MMP16: variants seen among roughly 807,000 people sequenced by gnomAD.
MMP16 encodes matrix metalloproteinase-16.
In MMP16, 12 loss-of-function variants were observed where a neutral mutation model predicts 67.8. That is an observed-to-expected ratio of 0.18 (90% CI 0.11 to 0.29). MMP16 has a LOEUF of 0.29. MMP16 is among the 10% of genes least tolerant of loss of function. The pLI, the probability that MMP16 is intolerant of heterozygous loss-of-function variation, is 1.00. For missense variants in MMP16, 475 were observed against 765.7 expected (o/e 0.62, Z 4.48); for synonymous variants, 249 against 255.9 (o/e 0.97, Z 0.26).
At chr8:88,112,310 A>G (rs1369199903) in intron 6 of MMP16, among the ~76,000 whole-genome samples, 2 of 151,616 alleles carry the variant, frequency 1.3e-5, no homozygotes, top group African/African-American at 4.8e-5. Context: ...AATACTGTGT[A>G]CTGAAATATG....
chr8:88,146,488 T>C (rs1267441425), intron 4 of MMP16, among the ~76,000 whole-genome samples: 1 of 151,994 alleles, frequency 6.6e-6, no homozygotes, highest in Non-Finnish European at 1.5e-5. Context: ...ATGGAACATA[T>C]ATTTTGTTTT....
intron 4 of MMP16, among the ~76,000 whole-genome samples, chr8:88,154,624 A>T (rs1372449527): frequency 9.3e-5 from 14 of 150,942 alleles, no homozygotes; most frequent in African/African-American, 3.4e-4. Flanking sequence ...AGAACAAAAA[A>T]CCAAACACCG....
chr8:88,070,252 T>C (rs538109279), intron 7 of MMP16, among the ~76,000 whole-genome samples: 2 of 152,290 alleles, frequency 1.3e-5, no homozygotes, highest in African/African-American at 4.8e-5. Flanking sequence ...TCTTGAGCTT[T>C]GTTCTAGGAC....
chr8:88,281,960 T>C (rs552614037), intron 1 of MMP16, among the ~76,000 whole-genome samples: 1 of 152,234 alleles, frequency 6.6e-6, no homozygotes, highest in South Asian at 2.1e-4. Context: ...TAAATTTTTG[T>C]TCAAATACTT....
At chr8:88,046,049 T>G (rs561412630) in intron 9 of MMP16, among the ~76,000 whole-genome samples, 1 of 152,330 alleles carries the variant, frequency 6.6e-6, no homozygotes, top group East Asian at 1.9e-4. Context: ...ATTTCATATA[T>G]GCCAACAGAT....
intron 1 of MMP16, among the ~76,000 whole-genome samples, chr8:88,221,225 T>G (rs1410236716): frequency 1.3e-5 from 2 of 152,116 alleles, no homozygotes; most frequent in African/African-American, 2.4e-5. Flanking sequence ...CCAGGCAGGT[T>G]TGTTTTCTTC....
intron 1 of MMP16, among the ~76,000 whole-genome samples, chr8:88,277,536 G>A (rs1489188879): frequency 6.6e-6 from 1 of 151,736 alleles, no homozygotes; most frequent in Admixed American, 6.6e-5. Flanking sequence ...GACTATAGCT[G>A]AAACTGTGCT....
Position 88,068,628 on chromosome 8 carries a change from T to C in MMP16, c.1222+5977A>G, listed in dbSNP as rs557459017. On this transcript the variant is annotated intron_variant, in intron 7 of 9. Transcript: ENST00000286614. The stretch of plus-strand genomic sequence containing the variant: ...TACATGTATCTTTGTCAAAAATTAC[T>C]TGTCCATATATGTTTTGAGTCTTGA... Among the ~76,000 whole-genome samples the C allele has an allele frequency of 2.6e-5, 4 of 152,292 alleles. No homozygotes were observed. In the East Asian group the frequency reaches 7.7e-4, roughly 29 times the overall value.
intron 1 of MMP16, among the ~76,000 whole-genome samples, chr8:88,213,342 A>G (rs1563563958): frequency 6.6e-6 from 1 of 152,148 alleles, no homozygotes; most frequent in African/African-American, 2.4e-5. Flanking sequence ...TGAGAATGAG[A>G]AAAAATGCTT....
chr8:88,265,389 A>C (rs1199570109), intron 1 of MMP16, among the ~76,000 whole-genome samples: 8 of 152,054 alleles, frequency 5.3e-5, no homozygotes, highest in Non-Finnish European at 1.2e-4. Context: ...GAAAGCTAAA[A>C]GCTGCATGAA....
At chr8:88,045,429 G>T (rs1191950002) in intron 9 of MMP16, among the ~76,000 whole-genome samples, 1 of 151,926 alleles carries the variant, frequency 6.6e-6, no homozygotes, top group African/African-American at 2.4e-5. Flanking sequence ...GGAGTGCAGG[G>T]GCATGATCTC....
intron 4 of MMP16, among the ~76,000 whole-genome samples, chr8:88,138,705 G>C (rs1161952708): frequency 1.3e-5 from 2 of 152,148 alleles, no homozygotes; most frequent in East Asian, 1.9e-4. Flanking sequence ...AATGTCCTAA[G>C]ATCACCTAAG....
intron 1 of MMP16, among the ~76,000 whole-genome samples, chr8:88,319,813 T>G (rs1324748462): frequency 2.0e-5 from 3 of 152,172 alleles, no homozygotes; most frequent in Non-Finnish European, 4.4e-5. Context: ...ACTATAAGAT[T>G]CCGTTTCAGT....
intron 9 of MMP16, among the ~76,000 whole-genome samples, chr8:88,044,356 C>A (rs1228866562): frequency 6.6e-6 from 1 of 152,182 alleles, no homozygotes; most frequent in African/African-American, 2.4e-5. Flanking sequence ...ACAGTGTAAG[C>A]ATTTGAAAGG....
Position 88,034,309 on chromosome 8 carries a change from C to T in MMP16, c.*7152G>A, listed in dbSNP as rs1477320022. Reference sequence around the variant, plus strand: ...TATAGACAGAGACTGCATAGGACAACTCAATAAGATGTATCTTTCCCAACC... The same window carrying T: ...TATAGACAGAGACTGCATAGGACAATTCAATAAGATGTATCTTTCCCAACC... On this transcript the variant is annotated 3_prime_UTR_variant, in exon 10 of 10. Coordinates refer to ENST00000286614, the MANE Select transcript of MMP16 (RefSeq NM_005941.5). The T allele has an allele frequency of 1.3e-5, 2 of 150,312 alleles. No homozygotes were observed. Among genetic ancestry groups the T allele is most frequent in the Admixed American group, 6.7e-5 (1 of 15,004 alleles). 9.3% of individuals were successfully genotyped at this position (150,312 alleles called of 1,614,324 possible).
chr8:88,223,866 C>G (rs1360187492), intron 1 of MMP16, among the ~76,000 whole-genome samples: 1 of 151,458 alleles, frequency 6.6e-6, no homozygotes, highest in African/African-American at 2.4e-5. Context: ...AAATATTTTA[C>G]CAGGAAATAT....
intron 1 of MMP16, among the ~76,000 whole-genome samples, chr8:88,323,642 T>C (rs1811493554): frequency 6.6e-6 from 1 of 152,170 alleles, no homozygotes; most frequent in Admixed American, 6.5e-5. Flanking sequence ...TGGAAATGTA[T>C]GCTATTGTTT....
At chr8:88,067,520 A>G (rs1808479260) in intron 7 of MMP16, among the ~76,000 whole-genome samples, 1 of 151,980 alleles carries the variant, frequency 6.6e-6, no homozygotes, top group Admixed American at 6.6e-5. Flanking sequence ...CTATCAAAGT[A>G]TTGACATAAT....
chr8:88,243,859 A>G (rs1243871375), intron 1 of MMP16, among the ~76,000 whole-genome samples: 1 of 152,190 alleles, frequency 6.6e-6, no homozygotes, highest in Admixed American at 6.5e-5. Context: ...TTGCCAGTCG[A>G]AGATATTACA....
Sources: gnomAD v4.1 joint callset for allele counts (sites outside exome capture counted in the v4.1 genomes callset) on GRCh38, gnomAD v4.1.1 for gene constraint, MANE v1.5 for transcripts, NCBI Gene and HGNC (gene_info 2026-07-23, HGNC 2026-07-21) for gene names.